Variants in KCNN2 observed in about 807,000 individuals in gnomAD.
KCNN2 encodes the protein potassium calcium-activated channel subfamily N member 2.
KCNN2 carries 24 observed loss-of-function variants against 55.5 expected under a neutral mutation model. The ratio of observed to expected loss-of-function variants is 0.43; its 90% CI spans 0.31 to 0.61. The LOEUF (loss-of-function observed/expected upper bound fraction) is 0.61, where lower values mean the gene tolerates loss of function less well. Among genes scored for constraint, KCNN2 ranks in the 20% least tolerant of loss-of-function variants. The pLI, the probability that KCNN2 is intolerant of heterozygous loss-of-function variation, is 0.08. For missense variants in KCNN2, 754 were observed against 853.6 expected (o/e 0.88, Z 1.45); for synonymous variants, 431 against 336.1 (o/e 1.28, Z -3.09).
intron 3 of KCNN2, among the ~76,000 whole-genome samples, chr5:114,408,899 A>G (rs144676950): frequency 7.4e-4 from 112 of 152,326 alleles, no homozygotes; most frequent in African/African-American, 2.6e-3. Context: ...TCAGATTGTG[A>G]GGTGATGACC....
intron 2 of KCNN2, among the ~76,000 whole-genome samples, chr5:114,229,716 T>C (rs1754317341): frequency 6.7e-6 from 1 of 150,110 alleles, no homozygotes; most frequent in Non-Finnish European, 1.5e-5. Flanking sequence ...CCTTATTTTG[T>C]TCAGGTTTAA....
At chr5:114,388,046 A>G (rs1758338696) in intron 2 of KCNN2, among the ~76,000 whole-genome samples, 1 of 152,206 alleles carries the variant, frequency 6.6e-6, no homozygotes, top group Non-Finnish European at 1.5e-5. Flanking sequence ...CGTATTTCTA[A>G]ACAATATAGT....
chr5:114,495,645 T>C (rs1748075268), intron 7 of KCNN2, among the ~76,000 whole-genome samples: 1 of 152,210 alleles, frequency 6.6e-6, no homozygotes, highest in Non-Finnish European at 1.5e-5. Flanking sequence ...CTAAAATCAA[T>C]GGGCATGCCA....
intron 2 of KCNN2, among the ~76,000 whole-genome samples, chr5:114,283,747 G>C (rs952086886): frequency 6.6e-6 from 1 of 152,070 alleles, no homozygotes; most frequent in Non-Finnish European, 1.5e-5. Context: ...TGTATTCCAG[G>C]TACCTGGGAG....
rs376945393 is a variant in KCNN2, at chr5:114,386,074, C to T, written c.1219-18364C>T. Reference sequence around the variant, plus strand: ...GCAGGCACTTGTAGTCCCAGCTACTCGGGAGGCTGAGGCAGAAGAATGGCG... The same window carrying T: ...GCAGGCACTTGTAGTCCCAGCTACTTGGGAGGCTGAGGCAGAAGAATGGCG... On this transcript the variant is annotated intron_variant, in intron 2 of 7. Transcript: ENST00000673685. 2.8e-4 allele frequency among the ~76,000 whole-genome samples: 42 copies of T among 149,734 alleles called. No homozygotes were observed. In the East Asian group the frequency reaches 4.8e-3, roughly 17 times the overall value.
chr5:114,485,802 C>T (rs1027562888), intron 5 of KCNN2, among the ~76,000 whole-genome samples: 2 of 152,026 alleles, frequency 1.3e-5, no homozygotes, highest in African/African-American at 4.8e-5. Context: ...TAATGTTGCT[C>T]AAAAAGAAAA....
Position 114,323,649 on chromosome 5 carries a change from A to ATTT in KCNN2, c.-184-37280_-184-37278dup, listed in dbSNP as rs6149185. On this transcript the variant is annotated intron_variant, in intron 2 of 10. Coordinates refer to the KCNN2 transcript ENST00000512097. ...TAAGTATCATGATATAAACATATCAATTTTTTTTTTTTTTTTTTGCTGGTC... is the reference window on the plus strand; with the variant it reads ...TAAGTATCATGATATAAACATATCAATTTTTTTTTTTTTTTTTTTTTGCTGGTC... Among the ~76,000 whole-genome samples the ATTT allele has an allele frequency of 1.5e-4, 13 of 85,304 alleles. 1 individual carries two copies. Among genetic ancestry groups the ATTT allele is most frequent in the South Asian group, 5.3e-4 (1 of 1,876 alleles). 56.0% of individuals were successfully genotyped at this position (85,304 alleles called of 152,430 possible).
chr5:114,487,210 T>G, intron 6 of KCNN2, 33 bp downstream of exon 6: 4 of 1,603,134 alleles, frequency 2.5e-6, no homozygotes, highest in Non-Finnish European at 3.4e-6. Context: ...ATCCTGTTGT[T>G]GTGTCCTTGG....
At chr5:114,272,476 T>C (rs1755373445) in intron 2 of KCNN2, among the ~76,000 whole-genome samples, 1 of 151,556 alleles carries the variant, frequency 6.6e-6, no homozygotes, top group Non-Finnish European at 1.5e-5. Flanking sequence ...TACACACATA[T>C]GTATGTACAT....
intron 5 of KCNN2, among the ~76,000 whole-genome samples, chr5:114,480,637 ATTCAGCAGC>A (rs1370158006): frequency 2.6e-5 from 4 of 152,198 alleles, no homozygotes; most frequent in Non-Finnish European, 4.4e-5. Context: ...GGCAAACTAA[ATTCAGCAGC>A]ACATCAAAAG....
At chr5:114,143,247 G>A (rs903473630) in intron 1 of KCNN2, among the ~76,000 whole-genome samples, 2 of 152,118 alleles carry the variant, frequency 1.3e-5, no homozygotes, top group African/African-American at 2.4e-5. Flanking sequence ...GTATACAGAA[G>A]TACAGTATAC....
chr5:114,389,238 A>C (rs1758375622), intron 2 of KCNN2, among the ~76,000 whole-genome samples: 1 of 152,100 alleles, frequency 6.6e-6, no homozygotes, highest in South Asian at 2.1e-4. Flanking sequence ...CTTTGCTGAA[A>C]ACAAGGGCCT....
chr5:114,195,520 T>C (rs1414580099), intron 1 of KCNN2, among the ~76,000 whole-genome samples: 1 of 152,046 alleles, frequency 6.6e-6, no homozygotes, highest in Non-Finnish European at 1.5e-5. Context: ...GATTTTTGTA[T>C]ATTTATCTTT....
chr5:114,086,339 C>T (rs777662470), intron 1 of KCNN2, among the ~76,000 whole-genome samples: 1 of 151,690 alleles, frequency 6.6e-6, no homozygotes. Flanking sequence ...CCTAGGTTTA[C>T]TGTGTGATGC....
chr5:114,431,988 A>C (rs192390500), intron 3 of KCNN2, among the ~76,000 whole-genome samples: 82 of 152,244 alleles, frequency 5.4e-4, no homozygotes, highest in African/African-American at 1.9e-3. Context: ...GTTATCTTTC[A>C]GGGCCCAGAA....
rs145292735 is a variant in KCNN2, at chr5:114,389,104, C to A, written c.1219-15334C>A. Reference sequence around the variant, plus strand: ...TTTTAGTGGTGTGTGTATGTGTGTGCGTGTGTGAGTGTGTATGTGTCTTTC... The same window carrying A: ...TTTTAGTGGTGTGTGTATGTGTGTGAGTGTGTGAGTGTGTATGTGTCTTTC... On this transcript the variant is annotated intron_variant, in intron 2 of 7. Coordinates refer to ENST00000673685, the MANE Select transcript of KCNN2 (RefSeq NM_021614.4). Among the ~76,000 whole-genome samples, 417 of 151,490 alleles carry A rather than the reference C, an allele frequency of 2.8e-3. 1 individual carries two copies. Among genetic ancestry groups the A allele is most frequent in the African/African-American group, 9.7e-3 (400 of 41,392 alleles).
At chr5:114,159,354 C>G (rs1752713645) in intron 1 of KCNN2, among the ~76,000 whole-genome samples, 1 of 152,054 alleles carries the variant, frequency 6.6e-6, no homozygotes, top group Admixed American at 6.6e-5. Context: ...GGATGAAGCC[C>G]ACTTGATCAT....
chr5:114,288,368 A>T (rs1160310789), intron 2 of KCNN2, among the ~76,000 whole-genome samples: 1 of 152,172 alleles, frequency 6.6e-6, no homozygotes, highest in African/African-American at 2.4e-5. Context: ...TTGCTAGGTC[A>T]TGTGGAAATT....
chr5:114,211,233 T>C (rs1331056780), intron 1 of KCNN2, among the ~76,000 whole-genome samples: 1 of 152,158 alleles, frequency 6.6e-6, no homozygotes, highest in Non-Finnish European at 1.5e-5. Flanking sequence ...GGAATATAAA[T>C]TGTTCTGTCA....
Sources: gnomAD v4.1 joint callset for allele counts (sites outside exome capture counted in the v4.1 genomes callset) on GRCh38, gnomAD v4.1.1 for gene constraint, MANE v1.5 for transcripts, NCBI Gene and HGNC (gene_info 2026-07-23, HGNC 2026-07-21) for gene names.